The following ARHGAP6 variants were observed in gnomAD, a reference collection of about 807,000 sequenced individuals.
ARHGAP6 encodes the protein Rho GTPase activating protein 6, also known as rho GTPase-activating protein 6.
A neutral mutation model predicts 55.7 loss-of-function variants in ARHGAP6; 16 were observed. The ratio of observed to expected loss-of-function variants is 0.29; its 90% CI spans 0.19 to 0.44. ARHGAP6 has a LOEUF of 0.44. Among genes scored for constraint, ARHGAP6 ranks in the 20% least tolerant of loss-of-function variants. The pLI is 1.00. For synonymous variants in ARHGAP6, 382 were observed against 360.9 expected (o/e 1.06, Z -0.66); for missense variants, 698 against 808.9 (o/e 0.86, Z 1.66).
intron 1 of ARHGAP6, among the ~76,000 whole-genome samples, chrX:11,603,377 G>C (rs2147144795): frequency 8.9e-6 from 1 of 111,841 alleles, no homozygotes; most frequent in African/African-American, 3.2e-5. Flanking sequence ...TGTGAAAACT[G>C]TTTTGCTTTT....
intron 1 of ARHGAP6, among the ~76,000 whole-genome samples, chrX:11,284,883 C>T (rs1295463958): frequency 9.0e-6 from 1 of 111,608 alleles, no homozygotes; most frequent in African/African-American, 3.3e-5. Flanking sequence ...CCAATTGTGA[C>T]AACCAAAAAT....
In ARHGAP6 at chrX:11,176,300, C is replaced by CATATATATAT. The variant is rs59647126; in HGVS notation, c.1629+1790_1629+1799dup. Among the ~76,000 whole-genome samples the CATATATATAT allele has an allele frequency of 3.8e-3, 59 of 15,611 alleles. 2 individuals carry two copies. Among genetic ancestry groups the CATATATATAT allele is most frequent in the Non-Finnish European group, 6.0e-3 (35 of 5,808 alleles). 13.6% of individuals were successfully genotyped at this position (15,611 alleles called of 115,157 possible). On this transcript the variant is annotated intron_variant, in intron 8 of 12. Transcript: ENST00000337414. ...TTATATATTTATATGTATTTGCATG[C>CATATATATAT]ATATATATATATATATATATATATA...
In ARHGAP6 at chrX:11,139,042, C is replaced by T. The variant is rs201148704; in HGVS notation, c.2746G>A (p.Glu916Lys). The part of the protein sequence containing the change: ...TPTDQGGQAA[E>K]REQQVTQKKL... ...TTCTGCGTGACCTGCTGCTCTCGCT[C>T]GGCTGCTTGGCCTCCCTGGTCCGTG... is the stretch of plus-strand genomic sequence containing the variant. The change falls in exon 13 of 13, where the codon GAG (glutamate) becomes AAG (lysine). Residue 916 changes from glutamate (E) to lysine (K), a missense_variant. Physicochemically the swap from Glu to Lys is moderately conservative, Grantham distance 56 (BLOSUM62 1). Coordinates refer to ENST00000337414, the MANE Select transcript of ARHGAP6 (RefSeq NM_013427.3). 15 of 1,206,608 alleles carry T rather than the reference C, an allele frequency of 1.2e-5. No individual in the cohort carries two copies. Among genetic ancestry groups the T allele is most frequent in the East Asian group, 3.0e-5 (1 of 33,672 alleles).
At chrX:11,388,554 T>C (rs991177061) in intron 1 of ARHGAP6, among the ~76,000 whole-genome samples, 1 of 112,016 alleles carries the variant, frequency 8.9e-6, no homozygotes, top group African/African-American at 3.2e-5. Flanking sequence ...AGCTCTTTAG[T>C]TTAATTAGAT....
intron 1 of ARHGAP6, chrX:11,427,818 G>C (rs1603202188): frequency 9.4e-6 from 2 of 212,364 alleles, no homozygotes; most frequent in East Asian, 7.2e-4. Context: ...AGGGGGAAGA[G>C]GAGGAGGAGG....
In ARHGAP6 at chrX:11,593,047, G is replaced by T. The variant is rs185160747; in HGVS notation, c.588+71194C>A. 8.6e-4 allele frequency among the ~76,000 whole-genome samples: 97 copies of T among 112,447 alleles called. No individual in the cohort carries two copies. The South Asian group carries it at 0.016, about 19-fold the overall frequency. On this transcript the variant is annotated intron_variant, in intron 1 of 12. Transcript: ENST00000337414. ...AAAGGGTATTGAATGTAACTCATCA[G>T]TTAGTTGTTTCCTAAACAGTTTATT...
At chrX:11,299,380 C>T (rs1161036711) in intron 1 of ARHGAP6, among the ~76,000 whole-genome samples, 1 of 111,718 alleles carries the variant, frequency 9.0e-6, no homozygotes, top group Non-Finnish European at 1.9e-5. Flanking sequence ...CAAGAGGGAG[C>T]GGATAATTTT....
chrX:11,172,555 A>C (rs1010850644), intron 8 of ARHGAP6, among the ~76,000 whole-genome samples: 1 of 111,829 alleles, frequency 8.9e-6, no homozygotes, highest in Non-Finnish European at 1.9e-5. Context: ...TTTTAAAAGA[A>C]TGTTTCATAC....
intron 1 of ARHGAP6, among the ~76,000 whole-genome samples, chrX:11,579,557 A>C (rs1416088318): frequency 8.9e-6 from 1 of 112,350 alleles, no homozygotes; most frequent in Non-Finnish European, 1.9e-5. Flanking sequence ...AACTCTATCA[A>C]TAAACCAATT....
intron 1 of ARHGAP6, among the ~76,000 whole-genome samples, chrX:11,486,988 G>T (rs1422586843): frequency 9.0e-6 from 1 of 110,658 alleles, no homozygotes; most frequent in Non-Finnish European, 1.9e-5. Flanking sequence ...GTACATATGG[G>T]GGTAATTGAT....
intron 1 of ARHGAP6, among the ~76,000 whole-genome samples, chrX:11,609,385 T>C (rs2052075604): frequency 8.9e-6 from 1 of 111,927 alleles, no homozygotes; most frequent in Non-Finnish European, 1.9e-5. Flanking sequence ...GGAACACACC[T>C]CAGAATCACT....
chrX:11,625,032 A>T (rs1228751926), intron 1 of ARHGAP6, among the ~76,000 whole-genome samples: 1 of 112,308 alleles, frequency 8.9e-6, no homozygotes. Context: ...AATGTGGAGA[A>T]AAGGCAATGC....
chrX:11,204,817 C>T (rs1411480943), intron 2 of ARHGAP6, among the ~76,000 whole-genome samples: 2 of 111,773 alleles, frequency 1.8e-5, no homozygotes, highest in Non-Finnish European at 3.8e-5. Flanking sequence ...TGGTAAAAAA[C>T]TCCTTTTGAT....
chrX:11,249,813 A>G (rs1569272643), intron 2 of ARHGAP6, among the ~76,000 whole-genome samples: 1 of 111,881 alleles, frequency 8.9e-6, no homozygotes, highest in Non-Finnish European at 1.9e-5. Flanking sequence ...AGATAATTCT[A>G]TTTTTTTAAA....
chrX:11,417,473 T>G (rs1470773671), intron 1 of ARHGAP6, among the ~76,000 whole-genome samples: 1 of 110,287 alleles, frequency 9.1e-6, no homozygotes, highest in Non-Finnish European at 1.9e-5. Flanking sequence ...CACGCATATA[T>G]ACATACATAA....
At chrX:11,563,249 A>G (rs2051407412) in intron 1 of ARHGAP6, among the ~76,000 whole-genome samples, 1 of 112,038 alleles carries the variant, frequency 8.9e-6, no homozygotes, top group African/African-American at 3.2e-5. Flanking sequence ...CAATATTAAA[A>G]TTCCTTGAAG....
At position 11,644,949 on chromosome X, in the gene ARHGAP6, G is replaced by A. The variant is rs192891590; in HGVS notation, c.588+19292C>T. ...GAAAACAAGCCAAATTTACTTTGACGGGTGAATGGAAAAACAAACTTGGAC... is the reference window on the plus strand; with the variant it reads ...GAAAACAAGCCAAATTTACTTTGACAGGTGAATGGAAAAACAAACTTGGAC... On this transcript the variant is annotated intron_variant, in intron 1 of 12. Coordinates refer to ENST00000337414, the MANE Select transcript of ARHGAP6 (RefSeq NM_013427.3). Among the ~76,000 whole-genome samples the A allele has an allele frequency of 4.1e-3, 461 of 111,733 alleles. 1 individual carries two copies. Among genetic ancestry groups the A allele is most frequent in the South Asian group, 0.014 (38 of 2,691 alleles).
At chrX:11,622,064 G>T (rs772020421) in intron 1 of ARHGAP6, among the ~76,000 whole-genome samples, 1 of 111,825 alleles carries the variant, frequency 8.9e-6, no homozygotes, top group South Asian at 3.7e-4. Flanking sequence ...TTAAAATAAT[G>T]ATATTACAAA....
At position 11,511,084 on chromosome X, in the gene ARHGAP6, A is replaced by G. The variant is rs146782526; in HGVS notation, c.588+153157T>C. On this transcript the variant is annotated intron_variant, in intron 1 of 12. Transcript: ENST00000337414. ...AATATGTAAGTGATTTTCCCCTACA[A>G]TAGAGCGGCAAATAATTATTAGTAA... Among the ~76,000 whole-genome samples, 397 of 111,889 alleles carry G rather than the reference A, an allele frequency of 3.5e-3. 2 individuals are homozygous for G. Among genetic ancestry groups the G allele is most frequent in the African/African-American group, 0.012 (381 of 30,839 alleles).
Sources: allele counts gnomAD v4.1 joint callset (sites outside exome capture counted in the v4.1 genomes callset), GRCh38; gene constraint gnomAD v4.1.1; transcripts MANE v1.5; gene names NCBI Gene and HGNC (gene_info 2026-07-23, HGNC 2026-07-21).